The following GRIN2A variants were observed in gnomAD, a reference collection of about 807,000 sequenced individuals.
GRIN2A encodes the protein glutamate receptor ionotropic, NMDA 2A.
In GRIN2A, 22 loss-of-function variants were observed where a neutral mutation model predicts 113.4. The ratio of observed to expected loss-of-function variants is 0.19; its 90% CI spans 0.14 to 0.28. GRIN2A has a LOEUF of 0.28. Among genes scored for constraint, GRIN2A ranks in the 10% least tolerant of loss-of-function variants. The probability of loss-of-function intolerance (pLI) is 1.00; values close to 1 mark genes in which losing one functional copy is unlikely to be tolerated. For missense variants in GRIN2A, 1,502 were observed against 1,887.0 expected, an observed-to-expected ratio of 0.80 and a Z score of 3.78; for synonymous variants, 827 against 738.4, an observed-to-expected ratio of 1.12 and a Z score of -1.94.
chr16:10,176,957 A>G (rs760488163), intron 2 of GRIN2A, among the ~76,000 whole-genome samples: 2 of 152,226 alleles, frequency 1.3e-5, no homozygotes, highest in South Asian at 2.1e-4. Context: ...CATGTTGCCA[A>G]TGTAGAAGTA....
intron 11 of GRIN2A, among the ~76,000 whole-genome samples, chr16:9,795,117 A>G (rs1460291687): frequency 6.6e-6 from 1 of 152,188 alleles, no homozygotes; most frequent in African/African-American, 2.4e-5. Flanking sequence ...GTAGCTGGGT[A>G]AAATGAGGCT....
chr16:9,831,377 C>A (rs544268856), intron 8 of GRIN2A, among the ~76,000 whole-genome samples: 1 of 152,250 alleles, frequency 6.6e-6, no homozygotes, highest in South Asian at 2.1e-4. Flanking sequence ...AAAAGTGACA[C>A]CTTCTTAACT....
At chr16:9,784,334 G>T (rs1264211049) in intron 11 of GRIN2A, among the ~76,000 whole-genome samples, 1 of 151,404 alleles carries the variant, frequency 6.6e-6, no homozygotes, top group Admixed American at 6.6e-5. Context: ...GGAGGCTAAG[G>T]CAGGAAAATT....
intron 2 of GRIN2A, among the ~76,000 whole-genome samples, chr16:10,157,422 C>A (rs1187678014): frequency 6.6e-6 from 1 of 152,078 alleles, no homozygotes; most frequent in Non-Finnish European, 1.5e-5. Context: ...TTAAAGGAGA[C>A]AATAATATAC....
At chr16:10,162,527 T>C (rs1173585094) in intron 2 of GRIN2A, among the ~76,000 whole-genome samples, 3 of 152,320 alleles carry the variant, frequency 2.0e-5, no homozygotes, top group East Asian at 1.9e-4. Context: ...CTGAAAACTG[T>C]CTCCTTGGCA....
chr16:9,995,457 G>A (rs370875316), intron 2 of GRIN2A, among the ~76,000 whole-genome samples: 8 of 152,190 alleles, frequency 5.3e-5, no homozygotes, highest in Non-Finnish European at 1.0e-4. Context: ...TGTTGTTGTC[G>A]TTGGTGGTGG....
chr16:9,872,114 A>G (rs1434933593), intron 4 of GRIN2A, among the ~76,000 whole-genome samples: 1 of 152,234 alleles, frequency 6.6e-6, no homozygotes, highest in Non-Finnish European at 1.5e-5. Context: ...TTTAATAAAT[A>G]GTAGCTTTAA....
intron 10 of GRIN2A, among the ~76,000 whole-genome samples, chr16:9,815,103 A>G (rs569045745): frequency 2.0e-5 from 3 of 151,992 alleles, no homozygotes; most frequent in African/African-American, 7.2e-5. Flanking sequence ...TTCAGTGCTC[A>G]TTTGTTTTTC....
chr16:10,111,684 C>T lies in GRIN2A; in HGVS notation c.414+68314G>A, dbSNP rs1325684975. 1.7e-5 allele frequency: 27 copies of T among 1,569,142 alleles called. No homozygotes were observed. In the East Asian group the frequency reaches 6.1e-4, roughly 35 times the overall value. On this transcript the variant is annotated intron_variant, in intron 2 of 12. Coordinates refer to ENST00000330684, the MANE Select transcript of GRIN2A (RefSeq NM_001134407.3). ...ACAACTGCACCCCAGAGTTCCAGGC[C>T]AACGAGGTGCATAAGGTCAAGAAGT...
intron 2 of GRIN2A, among the ~76,000 whole-genome samples, chr16:10,164,486 C>A (rs1167067311): frequency 1.3e-5 from 2 of 152,188 alleles, no homozygotes; most frequent in East Asian, 3.9e-4. Flanking sequence ...TGACTCCAGC[C>A]CAATTGGACG....
Position 9,880,231 on chromosome 16 carries a change from C to A in GRIN2A, c.1122+10755G>T, listed in dbSNP as rs184521005. On this transcript the variant is annotated intron_variant, in intron 4 of 12. Transcript: ENST00000330684. ...CTCCTTGGGGTTATATGTCTGAGGT[C>A]AGCTAGGGACTGACAGTGCCTAGAG... is the stretch of plus-strand genomic sequence containing the variant. Among the ~76,000 whole-genome samples, 7 of 152,268 alleles carry A rather than the reference C, an allele frequency of 4.6e-5. No homozygotes were observed. In the South Asian group the frequency reaches 1.2e-3, roughly 27 times the overall value.
intron 2 of GRIN2A, among the ~76,000 whole-genome samples, chr16:10,134,856 G>A (rs1395456224): frequency 6.6e-6 from 1 of 152,066 alleles, no homozygotes; most frequent in East Asian, 1.9e-4. Context: ...TGGCCAAGGG[G>A]TACATGAGTC....
At chr16:9,768,829 A>ACCTGCTT (rs1296252828) in intron 12 of GRIN2A, 22 bp downstream of exon 12, 1 of 1,552,784 alleles carries the variant, frequency 6.4e-7, no homozygotes. Context: ...AGTGCAAGAA[A>ACCTGCTT]GTAGCCACCC....
chr16:9,932,080 C>T (rs1273635806), intron 3 of GRIN2A, among the ~76,000 whole-genome samples: 2 of 152,216 alleles, frequency 1.3e-5, no homozygotes, highest in South Asian at 2.1e-4. Context: ...TTGTTAGGTG[C>T]TGTGCTTTAG....
chr16:10,079,854 G>C (rs560126835), intron 2 of GRIN2A, among the ~76,000 whole-genome samples: 16 of 152,336 alleles, frequency 1.1e-4, no homozygotes, highest in African/African-American at 3.6e-4. Context: ...AGGTTGCTAT[G>C]ATAACGCAAT....
chr16:10,153,712 G>C (rs887783781), intron 2 of GRIN2A, among the ~76,000 whole-genome samples: 2 of 152,108 alleles, frequency 1.3e-5, no homozygotes, highest in Admixed American at 1.3e-4. Context: ...AACAATCTTT[G>C]TTTGGGCTGG....
chr16:10,138,186 TAA>T (rs2049242417), intron 2 of GRIN2A, among the ~76,000 whole-genome samples: 1 of 152,216 alleles, frequency 6.6e-6, no homozygotes, highest in Non-Finnish European at 1.5e-5. Flanking sequence ...CTAAATCATA[TAA>T]GTGTGTGAGA....
intron 2 of GRIN2A, among the ~76,000 whole-genome samples, chr16:10,170,540 A>C (rs2050020466): frequency 6.6e-6 from 1 of 152,216 alleles, no homozygotes; most frequent in Non-Finnish European, 1.5e-5. Context: ...TATGTTAATT[A>C]GTTTGATGGT....
chr16:9,953,901 G>C (rs1455968097), intron 2 of GRIN2A, among the ~76,000 whole-genome samples: 1 of 152,126 alleles, frequency 6.6e-6, no homozygotes, highest in African/African-American at 2.4e-5. Flanking sequence ...GGCAGAAGTA[G>C]TAAAGGGGAC....
Sources: gnomAD v4.1 joint callset for allele counts (sites outside exome capture counted in the v4.1 genomes callset) on GRCh38, gnomAD v4.1.1 for gene constraint, MANE v1.5 for transcripts, NCBI Gene and HGNC (gene_info 2026-07-23, HGNC 2026-07-21) for gene names.